Variants in USP34 observed in about 807,000 individuals in gnomAD.
USP34 encodes ubiquitin carboxyl-terminal hydrolase 34.
In USP34, 70 loss-of-function variants were observed where a neutral mutation model predicts 460.3. That is an observed-to-expected ratio of 0.15 (90% confidence interval 0.13 to 0.19). The LOEUF is 0.19. Among genes scored for constraint, USP34 ranks in the 10% least tolerant of loss-of-function variants. The probability of loss-of-function intolerance (pLI) is 1.00; values close to 1 mark genes in which losing one functional copy is unlikely to be tolerated. For synonymous variants in USP34, 1,647 were observed against 1,405.3 expected (o/e 1.17, Z -3.85); for missense variants, 3,985 against 4,236.2 (o/e 0.94, Z 1.65).
At chr2:61,395,674 T>G (rs1190695078) in intron 3 of USP34, among the ~76,000 whole-genome samples, 1 of 146,776 alleles carries the variant, frequency 6.8e-6, no homozygotes, top group Non-Finnish European at 1.5e-5. Flanking sequence ...TAGTCCCAGC[T>G]ACTCGGGAGG....
chr2:61,363,846 CAGT>C, intron 10 of USP34, among the ~76,000 whole-genome samples: 1 of 67,610 alleles, frequency 1.5e-5, no homozygotes, highest in Non-Finnish European at 3.8e-5. Flanking sequence ...TATATACATA[CAGT>C]AGAGTATTAG....
intron 1 of USP34, among the ~76,000 whole-genome samples, chr2:61,421,418 G>C (rs1694352742): frequency 6.6e-6 from 1 of 152,122 alleles, no homozygotes; most frequent in African/African-American, 2.4e-5. Context: ...CTCATTAAAA[G>C]ACCATTTCCC....
intron 1 of USP34, among the ~76,000 whole-genome samples, chr2:61,423,030 A>AAAAC (rs548258214): frequency 6.6e-6 from 1 of 152,238 alleles, no homozygotes; most frequent in Non-Finnish European, 1.5e-5. Context: ...CCCCCTCTCA[A>AAAAC]AAACAAACAA....
Position 61,265,502 on chromosome 2 carries a change from A to G in USP34, c.5673T>C (p.Cys1891=), listed in dbSNP as rs1307687314. ...CAAGGTTAGTAAGGCCAACAAATCT[A>G]CATTCAGCACGGACATCTTCATGAG... ...YWPHEDVRAE[C]RFVGLTNLGA... Residue 1891 remains cysteine, a synonymous_variant, in exon 43 of 80, where the codon TGT becomes TGC. Coordinates refer to ENST00000398571, the MANE Select transcript of USP34 (RefSeq NM_014709.4). 1.2e-6 allele frequency: 2 copies of G among 1,613,620 alleles called. No homozygotes were observed. The highest frequency in any genetic ancestry group is 8.5e-7 in the Non-Finnish European group (1 of 1,179,782).
intron 62 of USP34, among the ~76,000 whole-genome samples, chr2:61,225,459 T>G (rs1489626430): frequency 6.6e-6 from 1 of 152,138 alleles, no homozygotes; most frequent in Non-Finnish European, 1.5e-5. Context: ...TTTTGATTTT[T>G]AGAGATTACT....
At chr2:61,399,982 C>A (rs1051213661) in intron 3 of USP34, among the ~76,000 whole-genome samples, 1 of 150,180 alleles carries the variant, frequency 6.7e-6, no homozygotes, top group Non-Finnish European at 1.5e-5. Context: ...TAAAGTCTTG[C>A]ATTTTTTTTC....
At chr2:61,264,841 C>G (rs1285090591) in intron 43 of USP34, among the ~76,000 whole-genome samples, 4 of 151,960 alleles carry the variant, frequency 2.6e-5, no homozygotes, top group Non-Finnish European at 4.4e-5. Flanking sequence ...CTGGTCAACA[C>G]AGAGAGACCT....
At position 61,265,997 on chromosome 2, in the gene USP34, T is replaced by C. The variant is rs1689034461; in HGVS notation, c.5604A>G (p.Ala1868=). The C allele has an allele frequency of 6.2e-7, 1 of 1,604,726 alleles. No individual in the cohort carries two copies. The highest frequency in any genetic ancestry group is 8.5e-7 in the Non-Finnish European group (1 of 1,173,084). Residue 1868 remains alanine, a synonymous_variant, in exon 42 of 80, where the codon GCA becomes GCG. Coordinates refer to ENST00000398571, the MANE Select transcript of USP34 (RefSeq NM_014709.4). ...NYRLIHNWVM[A]QHMQSHAPYK... is the part of the protein sequence containing the mutation. The stretch of plus-strand genomic sequence containing the variant: ...AAGAATGCTTACACTGCATGTGTTG[T>C]GCCATAACCCAGTTGTGTATTAGCC...
intron 1 of USP34, among the ~76,000 whole-genome samples, chr2:61,459,799 C>T (rs898793374): frequency 2.0e-5 from 3 of 150,386 alleles, no homozygotes; most frequent in Non-Finnish European, 4.4e-5. Flanking sequence ...GTGACTCACA[C>T]CTGTAATCGT....
At chr2:61,196,106 A>T (rs1686799319) in intron 75 of USP34, among the ~76,000 whole-genome samples, 1 of 61,804 alleles carries the variant, frequency 1.6e-5, no homozygotes, top group Non-Finnish European at 3.0e-5. Flanking sequence ...TTTGAGACGG[A>T]GTCTCGCTTT....
At chr2:61,381,807 A>T (rs1272215354) in intron 6 of USP34, among the ~76,000 whole-genome samples, 1 of 152,130 alleles carries the variant, frequency 6.6e-6, no homozygotes, top group Non-Finnish European at 1.5e-5. Context: ...TACATTAATG[A>T]AAACTGTTCT....
At chr2:61,425,616 C>G (rs1242050494) in intron 1 of USP34, among the ~76,000 whole-genome samples, 1 of 152,186 alleles carries the variant, frequency 6.6e-6, no homozygotes, top group South Asian at 2.1e-4. Context: ...TGAGTTCCCA[C>G]CAGCCTCACC....
At chr2:61,228,319 CAAAGAACTTAAA>C (rs1687790691) in intron 61 of USP34, among the ~76,000 whole-genome samples, 1 of 152,132 alleles carries the variant, frequency 6.6e-6, no homozygotes, top group Non-Finnish European at 1.5e-5. Flanking sequence ...AACTTAATAG[CAAAGAACTTAAA>C]AATGTGACCA....
intron 2 of USP34, among the ~76,000 whole-genome samples, chr2:61,409,293 T>A (rs557800283): frequency 1.3e-5 from 2 of 152,218 alleles, no homozygotes; most frequent in African/African-American, 4.8e-5. Flanking sequence ...ACGCCTGTAA[T>A]CCCAGCACTT....
chr2:61,366,819 A>T (rs570104501), intron 10 of USP34, among the ~76,000 whole-genome samples: 1 of 152,220 alleles, frequency 6.6e-6, no homozygotes, highest in African/African-American at 2.4e-5. Context: ...AGTGCAACGC[A>T]GGAGGATCGC....
intron 1 of USP34, among the ~76,000 whole-genome samples, chr2:61,468,627 C>T (rs970119923): frequency 5.9e-5 from 9 of 152,180 alleles, no homozygotes; most frequent in African/African-American, 2.2e-4. Context: ...CTTACTTGTT[C>T]ATTAGAACAG....
chr2:61,470,579 CG>C (rs1695925738), intron 1 of USP34, 70 bp downstream of exon 1: 4 of 1,107,568 alleles, frequency 3.6e-6, no homozygotes, highest in East Asian at 2.9e-5. Flanking sequence ...CGCGGCAGCC[CG>C]GGGAGGCCAG....
At chr2:61,315,674 C>G (rs184602376) in intron 23 of USP34, among the ~76,000 whole-genome samples, 1 of 152,188 alleles carries the variant, frequency 6.6e-6, no homozygotes, top group Non-Finnish European at 1.5e-5. Context: ...TGCGTCCAGC[C>G]TCATTCAAAT....
chr2:61,383,247 T>A (rs1364595751), intron 6 of USP34, 22 bp downstream of exon 6: 1 of 1,554,296 alleles, frequency 6.4e-7, no homozygotes. Flanking sequence ...TAATCGGGGG[T>A]AAAGAAATTT....
Sources: gnomAD v4.1 joint callset for allele counts (sites outside exome capture counted in the v4.1 genomes callset) on GRCh38, gnomAD v4.1.1 for gene constraint, MANE v1.5 for transcripts, NCBI Gene and HGNC (gene_info 2026-07-23, HGNC 2026-07-21) for gene names.